Variants in RPL4 observed in about 807,000 individuals in gnomAD.
The protein encoded by RPL4 is ribosomal protein L4, also known as large ribosomal subunit protein uL4.
In RPL4, 3 loss-of-function variants were observed where a neutral mutation model predicts 47.7. That is an observed-to-expected ratio of 0.06 (90% confidence interval 0.03 to 0.16). The LOEUF (loss-of-function observed/expected upper bound fraction) is 0.16. Ranked by LOEUF, RPL4 falls within the 10% of genes least tolerant of loss-of-function variation. The pLI, the probability that RPL4 is intolerant of heterozygous loss-of-function variation, is 1.00. For synonymous variants in RPL4, 208 were observed against 182.1 expected (o/e 1.14, Z -1.15); for missense variants, 413 against 551.3 (o/e 0.75, Z 2.51).
chr15:66,502,695 C>T lies in RPL4; in HGVS notation c.338G>A (p.Arg113His), dbSNP rs776620947. The change falls in exon 4 of 10, where the codon CGT becomes CAT. Residue 113 changes from arginine to histidine, a missense_variant. Transcript: ENST00000307961. ...TCGTTTTTGGGTTGTGTTCACTCTA[C>T]GATGCCAACGGCGCCAGGTTTTGGT... ...APTKTWRRWH[R>H]RVNTTQKRYA... The T allele has an allele frequency of 8.1e-6, 13 of 1,613,818 alleles. No homozygotes were observed. Among genetic ancestry groups the T allele is most frequent in the South Asian group, 1.1e-5 (1 of 91,080 alleles).
In RPL4 at chr15:66,501,400, G is replaced by A. The variant is rs2140714356; in HGVS notation, c.651C>T (p.Ile217=). The A allele has an allele frequency of 6.2e-7, 1 of 1,614,142 alleles. No homozygotes were observed. The highest frequency in any genetic ancestry group is 1.7e-4 in the Middle Eastern group (1 of 6,038). Residue 217 remains isoleucine (I), a synonymous_variant, in exon 6 of 10, where the codon ATC becomes ATT. Coordinates refer to ENST00000307961, the MANE Select transcript of RPL4 (RefSeq NM_000968.4). The part of the protein sequence containing the change: ...PCIIYNEDNG[I]IKAFRNIPGI... ...CAGGGATGTTTCTGAAGGCCTTGAT[G>A]ATACCATTATCCTCATTATAGATGA... is the stretch of plus-strand genomic sequence containing the variant.
chr15:66,503,527 C>A lies in RPL4; in HGVS notation c.6G>T (p.Ala2=). 6.3e-7 allele frequency: 1 copy of A among 1,581,590 alleles called. No individual in the cohort carries two copies. The highest frequency in any genetic ancestry group is 1.1e-5 in the South Asian group (1 of 87,666). Residue 2 remains alanine, a splice_region_variant and synonymous_variant, in exon 2 of 10, where the codon GCG becomes GCT. Coordinates refer to ENST00000307961, the MANE Select transcript of RPL4 (RefSeq NM_000968.4). M[A]CARPLISVYS... is the part of the protein sequence containing the mutation. ...ACACCGATATCAGTGGGCGAGCACA[C>A]GCCTAAAGAAAAAGACAAGGATTAT...
intron 1 of RPL4, 57 bp downstream of exon 1, chr15:66,504,731 C>T: frequency 1.2e-6 from 2 of 1,604,500 alleles, no homozygotes; most frequent in Non-Finnish European, 1.7e-6. Context: ...AACCCCAAAT[C>T]CTTCCTTACT....
At chr15:66,504,235 A>G (rs1893697470) in intron 1 of RPL4, among the ~76,000 whole-genome samples, 1 of 152,190 alleles carries the variant, frequency 6.6e-6, no homozygotes, top group Non-Finnish European at 1.5e-5. Context: ...CTACCATAGA[A>G]TATTACTACG....
At chr15:66,501,543 A>T (rs1567034652) in intron 5 of RPL4, 39 bp from the exon 6 acceptor site, 1 of 1,609,842 alleles carries the variant, frequency 6.2e-7, no homozygotes, top group African/African-American at 1.3e-5. Flanking sequence ...ATTAAGATAG[A>T]ATCTCTGCAA....
intron 1 of RPL4, among the ~76,000 whole-genome samples, chr15:66,503,769 G>A (rs1893680845): frequency 6.6e-6 from 1 of 152,118 alleles, no homozygotes; most frequent in Non-Finnish European, 1.5e-5. Context: ...GCCTTATAAA[G>A]CACAATAGCT....
At chr15:66,499,703 T>TC (rs762455142) in intron 9 of RPL4, 51 bp from the exon 10 acceptor site, 1 of 1,606,624 alleles carries the variant, frequency 6.2e-7, no homozygotes, top group Admixed American at 1.7e-5. Context: ...TGTAAGAACT[T>TC]AATGTATCAG....
chr15:66,504,617 G>C (rs769597401), intron 1 of RPL4, among the ~76,000 whole-genome samples, 171 bp downstream of exon 1: 10 of 152,120 alleles, frequency 6.6e-5, no homozygotes, highest in African/African-American at 1.2e-4. Flanking sequence ...TTGCCTCTAA[G>C]ATGGCTGCCG....
Position 66,499,566 on chromosome 15 carries a change from C to T in RPL4, c.1125G>A (p.Lys375=), listed in dbSNP as rs758408071. 1.2e-6 allele frequency: 2 copies of T among 1,613,910 alleles called. No individual in the cohort carries two copies. The highest frequency in any genetic ancestry group is 1.7e-6 in the Non-Finnish European group (2 of 1,179,878). Residue 375 remains lysine (K), a synonymous_variant, in exon 10 of 10, where the codon AAG becomes AAA. Transcript: ENST00000307961. The part of the protein sequence containing the change: ...SDEKAAVAGK[K]PVVGKKGKKA... ...TCTTTCCTTTCTTACCTACCACAGG[C>T]TTCTTGCCTGCAACCGCCGCCTTCT...
chr15:66,501,403 A>G lies in RPL4; in HGVS notation c.648T>C (p.Gly216=), dbSNP rs753328340. ...GGATGTTTCTGAAGGCCTTGATGAT[A>G]CCATTATCCTCATTATAGATGATGC... ...GPCIIYNEDN[G]IIKAFRNIPG... The change falls in exon 6 of 10, where the codon GGT becomes GGC. Residue 216 remains glycine (G), a synonymous_variant. Coordinates refer to ENST00000307961, the MANE Select transcript of RPL4 (RefSeq NM_000968.4). 1.9e-6 allele frequency: 3 copies of G among 1,614,162 alleles called. No homozygotes were observed. The highest frequency in any genetic ancestry group is 4.5e-5 in the East Asian group (2 of 44,894).
intron 7 of RPL4, chr15:66,500,718 G>C (rs761542452): frequency 1.2e-5 from 7 of 572,352 alleles, no homozygotes; most frequent in African/African-American, 1.9e-5. Flanking sequence ...GGAGGCGGAG[G>C]CTGCAGTAAG....
Position 66,500,018 on chromosome 15 carries a change from G to A in RPL4, c.1038+38C>T, listed in dbSNP as rs531027955. The A allele has an allele frequency of 3.4e-5, 54 of 1,609,884 alleles. No homozygotes were observed. In the South Asian group the frequency reaches 4.9e-4, roughly 14 times the overall value. ...AGCCTGGGTGACAGAGCGAGATTCC[G>A]ACTCAAAAACAAACAAACAAACAAA... is the stretch of plus-strand genomic sequence containing the variant. On this transcript the variant is annotated intron_variant, in intron 9 of 9. Coordinates refer to ENST00000307961, the MANE Select transcript of RPL4 (RefSeq NM_000968.4).
intron 7 of RPL4, 172 bp from the exon 8 acceptor site, chr15:66,500,548 C>CT: frequency 1.6e-6 from 1 of 635,656 alleles, no homozygotes; most frequent in Non-Finnish European, 2.7e-6. Context: ...AATCCCAGCA[C>CT]TTGGGGAGGC....
chr15:66,500,394 GACATGT>G lies in RPL4; in HGVS notation c.834-24_834-19del. 6.2e-7 allele frequency: 1 copy of G among 1,604,122 alleles called. No homozygotes were observed. Among genetic ancestry groups the G allele is most frequent in the Non-Finnish European group, 8.5e-7 (1 of 1,171,560 alleles). ...TGGGAAGACTGAAAGGGAAAAGATT[GACATGT>G]ACATGTAAAAGTAATCAACCAAAGA... On this transcript the variant is annotated intron_variant, in intron 7 of 9. Coordinates refer to ENST00000307961, the MANE Select transcript of RPL4 (RefSeq NM_000968.4).
At chr15:66,504,174 G>C (rs1595897450) in intron 1 of RPL4, among the ~76,000 whole-genome samples, 1 of 152,088 alleles carries the variant, frequency 6.6e-6, no homozygotes, top group Admixed American at 6.6e-5. Flanking sequence ...AGCTTTCTCT[G>C]ATCACTGTTT....
At position 66,499,254 on chromosome 15, in the gene RPL4, TTA is replaced by T; in HGVS notation, c.*151_*152del. ...ACTATATAAAATGTAACAGTCTAAATTATGGCCAACAAAATGTCACTTTAAAA... is the reference window on the plus strand; with the variant it reads ...ACTATATAAAATGTAACAGTCTAAATTGGCCAACAAAATGTCACTTTAAAA... On this transcript the variant is annotated 3_prime_UTR_variant, in exon 10 of 10. Coordinates refer to ENST00000307961, the MANE Select transcript of RPL4 (RefSeq NM_000968.4). 1 of 904,484 alleles carries T rather than the reference TTA, an allele frequency of 1.1e-6. No homozygotes were observed. The highest frequency in any genetic ancestry group is 1.7e-6 in the Non-Finnish European group (1 of 595,238). The allele number at this position is 904,484 out of a possible 1,614,324, so 56.0% of individuals were successfully genotyped here. A position where few individuals can be genotyped will look rare whatever the true frequency, so the allele number is the denominator to read the frequency against.
rs377047397 is a variant in RPL4 at position 66,503,340 on chromosome 15, G to T, written c.175+18C>A. 7 of 1,611,768 alleles carry T rather than the reference G, an allele frequency of 4.3e-6. No homozygotes were observed. The Admixed American group carries it at 8.3e-5, about 19-fold the overall frequency. On this transcript the variant is annotated intron_variant, in intron 2 of 9. Transcript: ENST00000307961. ...TAAAGCAGTCCCTAAAATATCTGCA[G>T]AAGATATAAATCCATACCTGCTAAT... is the stretch of plus-strand genomic sequence containing the variant.
At position 66,503,042 on chromosome 15, in the gene RPL4, G is replaced by C; in HGVS notation, c.282+16C>G. On this transcript the variant is annotated intron_variant, in intron 3 of 9. Coordinates refer to ENST00000307961, the MANE Select transcript of RPL4 (RefSeq NM_000968.4). ...CATCAGAGATGACCAGTCTTAGGTAGTGAAACAAAGGATACGTTTCCAAAA... is the reference window on the plus strand; with the variant it reads ...CATCAGAGATGACCAGTCTTAGGTACTGAAACAAAGGATACGTTTCCAAAA... 2 of 1,606,568 alleles carry C rather than the reference G, an allele frequency of 1.2e-6. No individual in the cohort carries two copies. The highest frequency in any genetic ancestry group is 1.7e-6 in the Non-Finnish European group (2 of 1,174,048).
Position 66,501,134 on chromosome 15 carries a change from C to G in RPL4, c.677-29G>C, listed in dbSNP as rs190460547. On this transcript the variant is annotated intron_variant, in intron 6 of 9. Transcript: ENST00000307961. ...TTAAAGGGAAAGAAAAATTAGGGAG[C>G]CTGTATTCCAACAAAAGAAACACAA... 8.3e-5 allele frequency: 133 copies of G among 1,607,270 alleles called. No homozygotes were observed. The East Asian group carries it at 2.3e-3, about 27-fold the overall frequency.
Sources: allele counts gnomAD v4.1 joint callset (sites outside exome capture counted in the v4.1 genomes callset), GRCh38; gene constraint gnomAD v4.1.1; transcripts MANE v1.5; gene names NCBI Gene and HGNC (gene_info 2026-07-23, HGNC 2026-07-21).